Variants in VWA8 observed in about 807,000 individuals in gnomAD.
VWA8 encodes the protein von Willebrand factor A domain-containing protein 8.
A neutral mutation model predicts 241.5 loss-of-function variants in VWA8; 221 were observed. The ratio of observed to expected loss-of-function variants is 0.91; its 90% CI spans 0.82 to 1.02. The LOEUF (loss-of-function observed/expected upper bound fraction) is 1.02, where lower values mean the gene tolerates loss of function less well. Ranked by LOEUF, VWA8 falls within the 50% of genes least tolerant of loss-of-function variation. The pLI, the probability that VWA8 is intolerant of heterozygous loss-of-function variation, is 0.00. For missense variants in VWA8, 2,322 were observed against 2,328.7 expected (o/e 1.00, Z 0.06); for synonymous variants, 852 against 827.1 (o/e 1.03, Z -0.52).
Position 41,691,950 on chromosome 13 carries a change from C to A in VWA8, c.3676-12G>T. Reference sequence around the variant, plus strand: ...ATTTTATAAGTTTCCTAAAGACAAACAAAACAAGATATTCATATTAAATGT... The same window carrying A: ...ATTTTATAAGTTTCCTAAAGACAAAAAAAACAAGATATTCATATTAAATGT... On this transcript the variant is annotated splice_polypyrimidine_tract_variant and intron_variant, in intron 30 of 44. Coordinates refer to ENST00000379310, the MANE Select transcript of VWA8 (RefSeq NM_015058.2). The A allele has an allele frequency of 1.3e-6, 2 of 1,571,480 alleles. No homozygotes were observed. The highest frequency in any genetic ancestry group is 1.8e-6 in the Non-Finnish European group (2 of 1,142,474).
At chr13:41,798,071 T>C (rs1869784340) in intron 17 of VWA8, among the ~76,000 whole-genome samples, 1 of 152,194 alleles carries the variant, frequency 6.6e-6, no homozygotes, top group Admixed American at 6.5e-5. Context: ...ACACACATAC[T>C]TGAACTAATG....
chr13:41,792,868 ATTGT>A (rs1473373831), intron 17 of VWA8, among the ~76,000 whole-genome samples: 1 of 151,950 alleles, frequency 6.6e-6, no homozygotes, highest in Non-Finnish European at 1.5e-5. Flanking sequence ...TTCCTTATTG[ATTGT>A]TACTGGAGTA....
At chr13:41,729,794 C>G (rs67369169) in intron 22 of VWA8, 117 bp from the exon 23 acceptor site, 2 of 656,194 alleles carry the variant, frequency 3.0e-6, no homozygotes, top group Non-Finnish European at 5.1e-6. Context: ...CAAGTATACA[C>G]GTAGACACAC....
Position 41,891,339 on chromosome 13 carries a change from C to T in VWA8, c.651+81G>A, listed in dbSNP as rs1445746015. ...ATCTGAACATCTGTCCTGATTCCAA[C>T]AGAGCCATGTCTTACACAATAAAAT... On this transcript the variant is annotated intron_variant, in intron 5 of 44. Coordinates refer to ENST00000379310, the MANE Select transcript of VWA8 (RefSeq NM_015058.2). 1.5e-5 allele frequency: 23 copies of T among 1,540,686 alleles called. No homozygotes were observed. The Admixed American group carries it at 2.0e-4, about 13-fold the overall frequency.
rs199651337 is a variant in VWA8 at position 41,865,742 on chromosome 13, G to C, written c.1419C>G (p.Leu473=). ...CTAAAAATGAACACTGTACCTGATA[G>C]AGCATAATAGGTTCTATGTTGTATC... ...TLGYNIEPIM[L]YQDMTARDLL... The change falls in exon 12 of 45, where the codon CTC becomes CTG. Residue 473 remains leucine (L), a synonymous_variant. Transcript: ENST00000379310. 39 of 1,613,586 alleles carry C rather than the reference G, an allele frequency of 2.4e-5. No individual in the cohort carries two copies. The highest frequency in any genetic ancestry group is 3.5e-4 in the Middle Eastern group (2 of 5,754).
At chr13:41,935,559 C>T (rs920915643) in intron 2 of VWA8, among the ~76,000 whole-genome samples, 10 of 151,918 alleles carry the variant, frequency 6.6e-5, no homozygotes, top group Non-Finnish European at 1.5e-4. Context: ...TTAAAAATTA[C>T]AAATGTAGTA....
At position 41,960,530 on chromosome 13, in the gene VWA8, C is replaced by T. The variant is rs952688010; in HGVS notation, c.163+323G>A. On this transcript the variant is annotated intron_variant, in intron 1 of 44. Coordinates refer to ENST00000379310, the MANE Select transcript of VWA8 (RefSeq NM_015058.2). ...TTCCATAGGGCTGAGGCATTAACCT[C>T]TACGAGTATTATAACCTAAGTCAGA... 2.6e-5 allele frequency among the ~76,000 whole-genome samples: 4 copies of T among 152,214 alleles called. No individual in the cohort carries two copies. In the East Asian group the frequency reaches 7.7e-4, roughly 29 times the overall value.
intron 2 of VWA8, among the ~76,000 whole-genome samples, chr13:41,938,223 C>T (rs1877439152): frequency 1.3e-5 from 2 of 151,204 alleles, no homozygotes; most frequent in Non-Finnish European, 2.9e-5. Context: ...GAATATGGTG[C>T]CTGGGAAAAA....
intron 37 of VWA8, among the ~76,000 whole-genome samples, chr13:41,634,353 G>A (rs2044743841): frequency 6.6e-6 from 1 of 152,096 alleles, no homozygotes; most frequent in African/African-American, 2.4e-5. Flanking sequence ...CTAACACAGT[G>A]CAATGTTCTA....
chr13:41,575,884 G>T, intron 42 of VWA8, 46 bp from the exon 43 acceptor site: 3 of 1,417,502 alleles, frequency 2.1e-6, no homozygotes, highest in Non-Finnish European at 9.8e-7. Flanking sequence ...CTCCACAAAA[G>T]AACAGTCATT....
intron 23 of VWA8, among the ~76,000 whole-genome samples, chr13:41,729,191 A>C (rs1399878831): frequency 6.6e-6 from 1 of 152,086 alleles, no homozygotes; most frequent in Admixed American, 6.6e-5. Flanking sequence ...ATAAAATAAA[A>C]AGTCCAGCTT....
intron 42 of VWA8, among the ~76,000 whole-genome samples, chr13:41,582,842 G>A (rs556848693): frequency 1.6e-4 from 25 of 152,172 alleles, no homozygotes; most frequent in Non-Finnish European, 3.2e-4. Flanking sequence ...ACTGGAGAGA[G>A]GAGCTGGGAG....
At chr13:41,858,525 G>A (rs922216172) in intron 12 of VWA8, among the ~76,000 whole-genome samples, 2 of 151,968 alleles carry the variant, frequency 1.3e-5, no homozygotes, top group African/African-American at 4.8e-5. Context: ...AGAATCACTT[G>A]AACCCGGGAG....
chr13:41,751,525 A>G (rs1474157692), intron 21 of VWA8, among the ~76,000 whole-genome samples: 2 of 152,142 alleles, frequency 1.3e-5, no homozygotes, highest in Non-Finnish European at 2.9e-5. Flanking sequence ...ATTTTCTGCC[A>G]GTATTTCTAT....
chr13:41,731,615 G>C (rs776757756), intron 22 of VWA8, among the ~76,000 whole-genome samples: 25 of 152,122 alleles, frequency 1.6e-4, no homozygotes, highest in Non-Finnish European at 2.4e-4. Context: ...AGGCTGAAAC[G>C]TATTAGAATC....
chr13:41,699,767 T>G (rs1242223853), intron 28 of VWA8, among the ~76,000 whole-genome samples: 1 of 152,192 alleles, frequency 6.6e-6, no homozygotes, highest in Non-Finnish European at 1.5e-5. Context: ...TGGATCTTAT[T>G]TTCCAAATTT....
chr13:41,670,578 T>C lies in VWA8; in HGVS notation c.4611+368A>G, dbSNP rs551007692. ...GTATTCTAGTTCCTAAATGTTTCTGTTTCCTAGGTAGCATGTAGAGATGCT... is the reference window on the plus strand; with the variant it reads ...GTATTCTAGTTCCTAAATGTTTCTGCTTCCTAGGTAGCATGTAGAGATGCT... On this transcript the variant is annotated intron_variant, in intron 37 of 44. Coordinates refer to ENST00000379310, the MANE Select transcript of VWA8 (RefSeq NM_015058.2). Among the ~76,000 whole-genome samples, 15 of 152,274 alleles carry C rather than the reference T, an allele frequency of 9.9e-5. No homozygotes were observed. The South Asian group carries it at 1.2e-3, about 13-fold the overall frequency.
At chr13:41,596,753 T>C (rs760471580) in intron 40 of VWA8, among the ~76,000 whole-genome samples, 1 of 150,848 alleles carries the variant, frequency 6.6e-6, no homozygotes, top group Non-Finnish European at 1.5e-5. Context: ...TTCTGGTTAA[T>C]TCATTTTCCA....
At chr13:41,630,945 T>G (rs1662191660) in intron 37 of VWA8, among the ~76,000 whole-genome samples, 1 of 152,174 alleles carries the variant, frequency 6.6e-6, no homozygotes, top group African/African-American at 2.4e-5. Flanking sequence ...TCTGAGTGCC[T>G]GATGGGACTC....
Sources: allele counts gnomAD v4.1 joint callset (sites outside exome capture counted in the v4.1 genomes callset), GRCh38; gene constraint gnomAD v4.1.1; transcripts MANE v1.5; gene names NCBI Gene and HGNC (gene_info 2026-07-23, HGNC 2026-07-21).